KHDRBS2: variants seen among roughly 807,000 people sequenced by gnomAD.
KHDRBS2 encodes the protein KH domain-containing, RNA-binding, signal transduction-associated protein 2.
A neutral mutation model predicts 44.3 loss-of-function variants in KHDRBS2; 26 were observed. The observed-to-expected ratio is 0.59, with a 90% confidence interval of 0.43 to 0.81. KHDRBS2 has a LOEUF of 0.81. Among genes scored for constraint, KHDRBS2 ranks in the 40% least tolerant of loss-of-function variants. KHDRBS2 has a pLI of 0.00. For synonymous variants in KHDRBS2, 194 were observed against 151.1 expected (o/e 1.28, Z -2.08); for missense variants, 476 against 433.1 (o/e 1.10, Z -0.88).
the KHDRBS2 span, among the ~76,000 whole-genome samples, chr6:61,655,624 C>T: frequency 3.3e-5 from 5 of 151,968 alleles, no homozygotes; most frequent in Admixed American, 1.3e-4. Context: ...GAAAAGGGAA[C>T]GTGTCCATGC....
chr6:62,060,900 T>G (rs1477465124), intron 2 of KHDRBS2, among the ~76,000 whole-genome samples: 4 of 151,922 alleles, frequency 2.6e-5, no homozygotes, highest in Non-Finnish European at 4.4e-5. Context: ...CAAAATAACA[T>G]GGTCTATGTT....
At chr6:62,172,979 A>G (rs1383101705) in intron 2 of KHDRBS2, among the ~76,000 whole-genome samples, 1 of 152,020 alleles carries the variant, frequency 6.6e-6, no homozygotes, top group Non-Finnish European at 1.5e-5. Context: ...CCCATATCAC[A>G]TAACTAGGAA....
intron 6 of KHDRBS2, among the ~76,000 whole-genome samples, chr6:61,735,449 C>T (rs1048985773): frequency 3.3e-5 from 5 of 152,088 alleles, no homozygotes; most frequent in African/African-American, 1.2e-4. Flanking sequence ...ACAATTGTCC[C>T]AAGCATTTAT....
At chr6:61,594,476 A>G in the KHDRBS2 span, among the ~76,000 whole-genome samples, 5 of 152,080 alleles carry the variant, frequency 3.3e-5, no homozygotes, top group African/African-American at 1.2e-4. Context: ...ATACTTTAGC[A>G]TTTGCAAAAA....
chr6:61,749,433 C>A (rs886119993), intron 6 of KHDRBS2, among the ~76,000 whole-genome samples: 1 of 152,072 alleles, frequency 6.6e-6, no homozygotes, highest in South Asian at 2.1e-4. Context: ...AATATGTTTT[C>A]TTCTTTAGTT....
At chr6:61,892,171 A>G (rs1387356437) in intron 6 of KHDRBS2, among the ~76,000 whole-genome samples, 1 of 152,152 alleles carries the variant, frequency 6.6e-6, no homozygotes, top group African/African-American at 2.4e-5. Flanking sequence ...AGAGAATAAA[A>G]TACCTAGGAA....
chr6:62,278,503 G>C (rs1017737371), intron 1 of KHDRBS2, among the ~76,000 whole-genome samples: 9 of 152,040 alleles, frequency 5.9e-5, no homozygotes, highest in Non-Finnish European at 1.2e-4. Context: ...TGAATTTATC[G>C]TGGTCATGCT....
At chr6:62,003,612 C>T (rs1156409854) in intron 3 of KHDRBS2, among the ~76,000 whole-genome samples, 1 of 152,018 alleles carries the variant, frequency 6.6e-6, no homozygotes, top group Non-Finnish European at 1.5e-5. Flanking sequence ...ATCAAAGAGA[C>T]AGAAGGTTAA....
the KHDRBS2 span, chr6:61,661,388 A>G: frequency 6.6e-6 from 1 of 151,984 alleles, no homozygotes; most frequent in East Asian, 2.0e-4. Flanking sequence ...TGAGCAGAAC[A>G]GCTTTAAGCA....
intron 6 of KHDRBS2, among the ~76,000 whole-genome samples, chr6:61,873,633 A>AT (rs1798978270): frequency 2.1e-5 from 1 of 48,684 alleles, no homozygotes; most frequent in Non-Finnish European, 3.8e-5. Flanking sequence ...AAGCAAAAAA[A>AT]GAAAAAAAAA....
At chr6:61,740,882 T>C (rs1456261142) in intron 6 of KHDRBS2, among the ~76,000 whole-genome samples, 1 of 152,026 alleles carries the variant, frequency 6.6e-6, no homozygotes, top group East Asian at 1.9e-4. Flanking sequence ...GCTAGAGATA[T>C]GGCTCTAGTA....
At chr6:62,055,386 TAC>T (rs950186400) in intron 2 of KHDRBS2, among the ~76,000 whole-genome samples, 15 of 152,180 alleles carry the variant, frequency 9.9e-5, no homozygotes, top group African/African-American at 3.6e-4. Flanking sequence ...GACATAATTT[TAC>T]ACACACTATA....
intron 5 of KHDRBS2, among the ~76,000 whole-genome samples, chr6:61,896,522 G>A (rs974496271): frequency 5.9e-5 from 9 of 151,936 alleles, no homozygotes; most frequent in Admixed American, 5.3e-4. Flanking sequence ...CACAGCCCTA[G>A]CAAACCTGCC....
At chr6:61,777,334 A>C (rs1782234575) in intron 6 of KHDRBS2, among the ~76,000 whole-genome samples, 1 of 152,070 alleles carries the variant, frequency 6.6e-6, no homozygotes, top group Non-Finnish European at 1.5e-5. Flanking sequence ...ACAAAATACA[A>C]ATTTACAGTT....
chr6:62,190,727 T>C (rs1466227268), intron 1 of KHDRBS2, among the ~76,000 whole-genome samples: 1 of 152,136 alleles, frequency 6.6e-6, no homozygotes, highest in Admixed American at 6.6e-5. Flanking sequence ...CTCTAAAACC[T>C]ATTCTTTCAC....
chr6:61,620,327 C>A, the KHDRBS2 span, among the ~76,000 whole-genome samples: 8 of 151,812 alleles, frequency 5.3e-5, no homozygotes, highest in Non-Finnish European at 1.2e-4. Flanking sequence ...ATTATTGATT[C>A]TTTTAATTGA....
At chr6:62,114,520 T>C (rs940723203) in intron 2 of KHDRBS2, among the ~76,000 whole-genome samples, 7 of 152,054 alleles carry the variant, frequency 4.6e-5, no homozygotes, top group African/African-American at 1.4e-4. Context: ...ATAAAACAGG[T>C]AAAATTATTT....
the KHDRBS2 span, among the ~76,000 whole-genome samples, chr6:61,572,530 C>T: frequency 2.6e-5 from 4 of 151,934 alleles, no homozygotes; most frequent in Admixed American, 6.6e-5. Context: ...AAAAAAACTA[C>T]ATATCAATAT....
At chr6:62,169,147 G>GTATATATACATATACATATATGTATATA (rs1819392869) in intron 2 of KHDRBS2, among the ~76,000 whole-genome samples, 4 of 98,490 alleles carry the variant, frequency 4.1e-5, no homozygotes, top group East Asian at 2.8e-4. Context: ...ACATATATGT[G>GTATATATACATATACATATATGTATATA]TGTATATATA....
Sources: gnomAD v4.1 joint callset for allele counts (sites outside exome capture counted in the v4.1 genomes callset) on GRCh38, gnomAD v4.1.1 for gene constraint, MANE v1.5 for transcripts, NCBI Gene and HGNC (gene_info 2026-07-23, HGNC 2026-07-21) for gene names.